CFAP299: variants seen among roughly 807,000 people sequenced by gnomAD.
The protein encoded by CFAP299 is cilia- and flagella-associated protein 299.
Under a neutral mutation model 27.0 loss-of-function variants are expected in CFAP299, and 21 were observed. The ratio of observed to expected loss-of-function variants is 0.78; its 90% confidence interval spans 0.55 to 1.12. CFAP299 has a LOEUF of 1.12. Ranked by LOEUF, CFAP299 falls within the 50% of genes most tolerant of loss-of-function variation. CFAP299 has a pLI of 0.00. For synonymous variants in CFAP299, 104 were observed against 98.1 expected, an observed-to-expected ratio of 1.06 and a Z score of -0.36; for missense variants, 310 against 276.6, an observed-to-expected ratio of 1.12 and a Z score of -0.86.
At chr4:80,815,258 GA>G (rs76988929) in intron 3 of CFAP299, among the ~76,000 whole-genome samples, 2,945 of 150,392 alleles carry the variant, frequency 0.02, 62 homozygotes, top group East Asian at 0.06. Flanking sequence ...AAGAAATAAA[GA>G]AAAAAAAGAA....
Position 80,621,950 on chromosome 4 carries a change from A to C in CFAP299, c.333+38767A>C, listed in dbSNP as rs145665992. On this transcript the variant is annotated intron_variant, in intron 3 of 5. Transcript: ENST00000358105. The stretch of plus-strand genomic sequence containing the variant: ...TATTGTGGGTAGAGGAGCCAGTTAG[A>C]AGAAAAACCAGTAGTGATAGAGTGA... Among the ~76,000 whole-genome samples the C allele has an allele frequency of 9.0e-3, 1,370 of 152,180 alleles. 15 individuals carry two copies. Among genetic ancestry groups the C allele is most frequent in the South Asian group, 0.051 (245 of 4,830 alleles).
chr4:80,724,206 G>T (rs1723010823), intron 3 of CFAP299, among the ~76,000 whole-genome samples: 2 of 151,908 alleles, frequency 1.3e-5, no homozygotes, highest in African/African-American at 4.8e-5. Flanking sequence ...TAATAAATTT[G>T]GGGTGGGGGA....
At chr4:80,718,845 T>C (rs1722641682) in intron 3 of CFAP299, among the ~76,000 whole-genome samples, 1 of 152,068 alleles carries the variant, frequency 6.6e-6, no homozygotes, top group African/African-American at 2.4e-5. Context: ...CAATGACATA[T>C]ATTTAAACAG....
intron 3 of CFAP299, among the ~76,000 whole-genome samples, chr4:80,763,760 A>T (rs559576098): frequency 3.3e-4 from 51 of 152,312 alleles, no homozygotes; most frequent in African/African-American, 1.2e-3. Context: ...AAACAGATAC[A>T]TAGACCAATG....
chr4:80,366,343 T>C (rs1003006677), intron 2 of CFAP299, among the ~76,000 whole-genome samples: 3 of 152,168 alleles, frequency 2.0e-5, no homozygotes, highest in African/African-American at 7.2e-5. Flanking sequence ...TGCTGGTATC[T>C]AGGAGTATGT....
intron 3 of CFAP299, among the ~76,000 whole-genome samples, chr4:80,844,914 C>T (rs1156300090): frequency 6.6e-6 from 1 of 152,134 alleles, no homozygotes; most frequent in Admixed American, 6.5e-5. Context: ...TTTAATCCAT[C>T]TTGAATTAAT....
At chr4:80,431,847 T>C (rs1242540015) in intron 2 of CFAP299, among the ~76,000 whole-genome samples, 1 of 152,196 alleles carries the variant, frequency 6.6e-6, no homozygotes, top group African/African-American at 2.4e-5. Context: ...TGGCTTGTTC[T>C]AATAGTGAGT....
chr4:80,925,847 G>A (rs1245524385), intron 4 of CFAP299, among the ~76,000 whole-genome samples: 1 of 152,074 alleles, frequency 6.6e-6, no homozygotes, highest in East Asian at 1.9e-4. Context: ...CAAGTGCCAA[G>A]GTGCTGCAGT....
intron 2 of CFAP299, among the ~76,000 whole-genome samples, chr4:80,439,610 C>G (rs1728255698): frequency 6.6e-6 from 1 of 152,206 alleles, no homozygotes; most frequent in Non-Finnish European, 1.5e-5. Context: ...AAGCACAAAA[C>G]TAGGTGGCTG....
At chr4:80,531,507 ATTATACTTCTAAATTTCCATCTT>A (rs1392285619) in intron 2 of CFAP299, among the ~76,000 whole-genome samples, 1 of 152,202 alleles carries the variant, frequency 6.6e-6, no homozygotes, top group Non-Finnish European at 1.5e-5. Flanking sequence ...TCAATTTGCA[ATTATACTTCTAAATTTCCATCTT>A]TTATTATCTT....
At chr4:80,505,681 T>C (rs1042267186) in intron 2 of CFAP299, among the ~76,000 whole-genome samples, 10 of 152,166 alleles carry the variant, frequency 6.6e-5, no homozygotes, top group African/African-American at 2.4e-4. Context: ...TCCTCTCTAA[T>C]AGGAAATGTT....
chr4:80,610,305 A>AGGT (rs1737900198), intron 3 of CFAP299, among the ~76,000 whole-genome samples: 1 of 152,120 alleles, frequency 6.6e-6, no homozygotes, highest in South Asian at 2.1e-4. Context: ...TGAACCCAGC[A>AGGT]GCACTTCCAG....
At chr4:80,468,704 G>A (rs79606456) in intron 2 of CFAP299, among the ~76,000 whole-genome samples, 25 of 151,580 alleles carry the variant, frequency 1.6e-4, no homozygotes, top group Non-Finnish European at 3.2e-4. Flanking sequence ...GCATGCTGGC[G>A]CCTGCCTGTA....
intron 2 of CFAP299, chr4:80,387,685 A>G (rs1725091615): frequency 6.4e-7 from 1 of 1,574,444 alleles, no homozygotes. Context: ...CTTCTGGGCA[A>G]AGGCATGGCC....
chr4:80,351,261 A>T (rs1723001406), intron 1 of CFAP299, among the ~76,000 whole-genome samples: 1 of 152,216 alleles, frequency 6.6e-6, no homozygotes, highest in East Asian at 1.9e-4. Flanking sequence ...TTATATTTAA[A>T]GATTATTGAT....
intron 3 of CFAP299, among the ~76,000 whole-genome samples, chr4:80,779,113 A>G (rs952622041): frequency 6.6e-6 from 1 of 152,132 alleles, no homozygotes; most frequent in Admixed American, 6.6e-5. Flanking sequence ...AGATAAAAAC[A>G]CCTGATGTAC....
At chr4:80,910,522 G>A (rs1214372787) in intron 4 of CFAP299, among the ~76,000 whole-genome samples, 2 of 152,084 alleles carry the variant, frequency 1.3e-5, no homozygotes, top group Non-Finnish European at 2.9e-5. Context: ...GTCCTTTGCA[G>A]GAACATGGAT....
At chr4:80,475,121 C>T (rs778643454) in intron 2 of CFAP299, among the ~76,000 whole-genome samples, 4 of 151,884 alleles carry the variant, frequency 2.6e-5, no homozygotes, top group Non-Finnish European at 5.9e-5. Flanking sequence ...CCATGTGGCT[C>T]GGGCAGAGGG....
At chr4:80,850,668 G>A (rs1180328406) in intron 3 of CFAP299, among the ~76,000 whole-genome samples, 1 of 152,000 alleles carries the variant, frequency 6.6e-6, no homozygotes, top group Non-Finnish European at 1.5e-5. Flanking sequence ...TAAAAAGGTT[G>A]CACTTCAGAA....
Sources: gnomAD v4.1 joint callset for allele counts (sites outside exome capture counted in the v4.1 genomes callset) on GRCh38, gnomAD v4.1.1 for gene constraint, MANE v1.5 for transcripts, NCBI Gene and HGNC (gene_info 2026-07-23, HGNC 2026-07-21) for gene names.